Variants in DCAF4 observed in about 807,000 individuals in gnomAD.
DCAF4 encodes DDB1- and CUL4-associated factor 4.
DCAF4 carries 37 observed loss-of-function variants against 60.9 expected under a neutral mutation model. The observed-to-expected ratio is 0.61, with a 90% CI of 0.47 to 0.80. The LOEUF (loss-of-function observed/expected upper bound fraction) is 0.80. DCAF4 is among the 30% of genes least tolerant of loss of function. The pLI is 0.00. For synonymous variants in DCAF4, 243 were observed against 254.8 expected (o/e 0.95, Z 0.44); for missense variants, 577 against 650.0 (o/e 0.89, Z 1.22).
chr14:72,954,054 G>C, intron 9 of DCAF4, 110 bp from the exon 10 acceptor site: 2 of 1,165,932 alleles, frequency 1.7e-6, no homozygotes, highest in Non-Finnish European at 2.5e-6. Flanking sequence ...GGGGCCAAAG[G>C]TATAGACCCT....
intron 1 of DCAF4, among the ~76,000 whole-genome samples, chr14:72,930,782 T>C (rs752858878): frequency 1.4e-4 from 21 of 152,218 alleles, no homozygotes; most frequent in Non-Finnish European, 2.8e-4. Context: ...TGGTTCATTT[T>C]TGTCCCATAT....
rs756769433 is a variant in DCAF4 at position 72,938,054 on chromosome 14, C to A, written c.76C>A (p.Arg26Ser). Residue 26 changes from arginine to serine, a missense_variant, in exon 2 of 14, where the codon CGT becomes AGT. Arg to Ser is a moderately radical substitution (Grantham distance 110). Coordinates refer to ENST00000358377, the MANE Select transcript of DCAF4 (RefSeq NM_015604.4). The part of the protein sequence containing the change: ...SHQQNPWFRL[R>S]DSEDRSDSRA... ...CCAGCAGAACCCTTGGTTCAGACTC[C>A]GTGATTCTGAAGACAGGCAAGTGTG... The A allele has an allele frequency of 1.2e-6, 2 of 1,607,794 alleles. No homozygotes were observed. Among genetic ancestry groups the A allele is most frequent in the Non-Finnish European group, 1.7e-6 (2 of 1,178,220 alleles).
rs944965316 is a variant in DCAF4 at position 72,959,039 on chromosome 14, C to A, written c.*234C>A. On this transcript the variant is annotated 3_prime_UTR_variant, in exon 14 of 14. Transcript: ENST00000358377. ...TCCTTTTCATAAAAGGTACCTCTTT[C>A]CTTTTCTTATTGAATTCTTAGAACT... 5.7e-6 allele frequency: 7 copies of A among 1,219,914 alleles called. No individual in the cohort carries two copies. The highest frequency in any genetic ancestry group is 3.1e-5 in the African/African-American group (2 of 63,904). 75.6% of individuals were successfully genotyped at this position (1,219,914 alleles called of 1,614,324 possible). A position where few individuals can be genotyped will look rare whatever the true frequency, so the allele number is the denominator to read the frequency against.
intron 5 of DCAF4, chr14:72,942,090 A>C: frequency 2.4e-6 from 1 of 408,640 alleles, no homozygotes; most frequent in Non-Finnish European, 4.4e-6. Context: ...ATTCTCTGTT[A>C]CTCGTAAGTC....
chr14:72,936,563 C>CA (rs59287534), intron 1 of DCAF4, among the ~76,000 whole-genome samples: 78,240 of 129,298 alleles, frequency 0.61, 22,758 homozygotes, highest in East Asian at 0.82. Context: ...GACTCCATCT[C>CA]AAAAAAAAAA....
chr14:72,958,789 G>GT lies in DCAF4; in HGVS notation c.1474dup (p.Tyr492LeufsTer24). 6.3e-7 allele frequency: 1 copy of GT among 1,575,286 alleles called. No individual in the cohort carries two copies. The highest frequency in any genetic ancestry group is 8.6e-7 in the Non-Finnish European group (1 of 1,162,478). On this transcript the variant is annotated frameshift_variant, in exon 14 of 14. Coordinates refer to ENST00000358377, the MANE Select transcript of DCAF4 (RefSeq NM_015604.4). LOFTEE classifies it high-confidence loss of function. ...ATGGCTGTCGGGCAGGACCTTTACT[G>GT]TTACTCCTACAGCTAATTCTGCAGG...
intron 8 of DCAF4, 91 bp downstream of exon 8, chr14:72,947,282 G>A: frequency 6.3e-6 from 9 of 1,423,952 alleles, no homozygotes; most frequent in Non-Finnish European, 8.9e-6. Flanking sequence ...TGGCATCTTA[G>A]TGACCAGAGG....
chr14:72,928,187 C>CTTTTTGTTTTTTTTTTT (rs1887907904), intron 1 of DCAF4, among the ~76,000 whole-genome samples: 1 of 67,256 alleles, frequency 1.5e-5, no homozygotes, highest in Non-Finnish European at 2.5e-5. Flanking sequence ...AATCCCCCCA[C>CTTTTTGTTTTTTTTTTT]TTTTTTTTTT....
chr14:72,929,898 G>A, intron 1 of DCAF4: 6 of 1,456,356 alleles, frequency 4.1e-6, no homozygotes, highest in Non-Finnish European at 5.6e-6. Flanking sequence ...GGCCCTTGTT[G>A]AGGCCCACGG....
intron 1 of DCAF4, among the ~76,000 whole-genome samples, chr14:72,934,811 A>G (rs1889044758): frequency 6.6e-6 from 1 of 152,174 alleles, no homozygotes; most frequent in East Asian, 1.9e-4. Flanking sequence ...CCCACTCCCC[A>G]GTGCCTCACA....
intron 1 of DCAF4, among the ~76,000 whole-genome samples, chr14:72,928,343 G>A (rs768426292): frequency 1.3e-5 from 2 of 151,410 alleles, no homozygotes; most frequent in Non-Finnish European, 2.9e-5. Flanking sequence ...ACGGGCGCAC[G>A]CCACCGCGCC....
chr14:72,946,227 C>CAAAA (rs77222663), intron 7 of DCAF4, among the ~76,000 whole-genome samples, 200 bp downstream of exon 7: 1 of 69,966 alleles, frequency 1.4e-5, no homozygotes. Context: ...CTTGTCTCTA[C>CAAAA]AAAAAAAAAA....
intron 1 of DCAF4, chr14:72,930,019 C>G: frequency 1.7e-6 from 1 of 590,454 alleles, no homozygotes; most frequent in South Asian, 2.1e-5. Context: ...GTAATTCCGG[C>G]TACTCCGAGG....
intron 1 of DCAF4, among the ~76,000 whole-genome samples, chr14:72,937,622 T>C (rs540491673): frequency 5.9e-5 from 9 of 152,240 alleles, no homozygotes; most frequent in Admixed American, 5.2e-4. Flanking sequence ...GGTTTCACCA[T>C]GTTGGTCAGG....
In DCAF4 at chr14:72,958,795, C is replaced by T. The variant is rs372573738; in HGVS notation, c.1478C>T (p.Ser493Phe). Reference sequence around the variant, plus strand: ...GTCGGGCAGGACCTTTACTGTTACTCCTACAGCTAATTCTGCAGGGCACAG... The same window carrying T: ...GTCGGGCAGGACCTTTACTGTTACTTCTACAGCTAATTCTGCAGGGCACAG... ...MAVGQDLYCY[S>F]YS Residue 493 changes from serine to phenylalanine, a missense_variant, in exon 14 of 14, where the codon TCC becomes TTC. Transcript: ENST00000358377. 16 of 1,562,964 alleles carry T rather than the reference C, an allele frequency of 1.0e-5. No homozygotes were observed. Among genetic ancestry groups the T allele is most frequent in the Middle Eastern group, 1.7e-4 (1 of 5,786 alleles).
At position 72,958,857 on chromosome 14, in the gene DCAF4, C is replaced by T; in HGVS notation, c.*52C>T. 5 of 1,510,696 alleles carry T rather than the reference C, an allele frequency of 3.3e-6. No individual in the cohort carries two copies. Among genetic ancestry groups the T allele is most frequent in the Non-Finnish European group, 4.4e-6 (5 of 1,131,646 alleles). The allele number at this position is 1,510,696 out of a possible 1,614,324, so 93.6% of individuals were successfully genotyped here. ...GTGGATTTGACTTACGGGAGTAAAG[C>T]GTAACTTTTTACTGCATCTAATGAG... On this transcript the variant is annotated 3_prime_UTR_variant, in exon 14 of 14. Coordinates refer to ENST00000358377, the MANE Select transcript of DCAF4 (RefSeq NM_015604.4).
rs767693888 is a variant in DCAF4, at chr14:72,943,106, A to AG, written c.534+15dup. ...ATTTAACCTCATACTGGTGAGTGGG[A>AG]GGGGGACACCTGCCTAGGGTGTGGC... On this transcript the variant is annotated intron_variant, in intron 6 of 13. Coordinates refer to ENST00000358377, the MANE Select transcript of DCAF4 (RefSeq NM_015604.4). 9 of 1,613,014 alleles carry AG rather than the reference A, an allele frequency of 5.6e-6. No homozygotes were observed. The highest frequency in any genetic ancestry group is 3.3e-4 in the Middle Eastern group (2 of 6,082).
chr14:72,935,478 C>G (rs1889143933), intron 1 of DCAF4, among the ~76,000 whole-genome samples: 1 of 152,260 alleles, frequency 6.6e-6, no homozygotes, highest in South Asian at 2.1e-4. Context: ...TGATCTCAAA[C>G]TCCTGACCTC....
chr14:72,926,599 C>T (rs1456003381), intron 1 of DCAF4, 56 bp downstream of exon 1: 2 of 152,404 alleles, frequency 1.3e-5, no homozygotes, highest in East Asian at 3.9e-4. Flanking sequence ...CTGCCGCGCT[C>T]CCGCTGCAGA....
Sources: gnomAD v4.1 joint callset for allele counts (sites outside exome capture counted in the v4.1 genomes callset) on GRCh38, gnomAD v4.1.1 for gene constraint, MANE v1.5 for transcripts, NCBI Gene and HGNC (gene_info 2026-07-23, HGNC 2026-07-21) for gene names.